PHYHD1: variants seen among roughly 807,000 people sequenced by gnomAD.
The protein encoded by PHYHD1 is phytanoyl-CoA dioxygenase domain-containing protein 1.
A neutral mutation model predicts 43.6 loss-of-function variants in PHYHD1; 42 were observed. The observed-to-expected ratio is 0.96, with a 90% CI of 0.75 to 1.25. The LOEUF is 1.25. Among genes scored for constraint, PHYHD1 ranks in the 50% most tolerant of loss-of-function variants. PHYHD1 has a pLI of 0.00. For synonymous variants in PHYHD1, 139 were observed against 143.6 expected (o/e 0.97, Z 0.23); for missense variants, 342 against 370.8 (o/e 0.92, Z 0.64).
chr9:128,928,864 C>T (rs1287132058), intron 4 of PHYHD1, among the ~76,000 whole-genome samples: 1 of 152,134 alleles, frequency 6.6e-6, no homozygotes, highest in Middle Eastern at 3.2e-3. Context: ...GTTTCATTTT[C>T]TTGGGTTACC....
At chr9:128,934,628 T>A (rs939642088) in intron 6 of PHYHD1, among the ~76,000 whole-genome samples, 1 of 151,530 alleles carries the variant, frequency 6.6e-6, no homozygotes, top group African/African-American at 2.4e-5. Context: ...ATTAGCTGAA[T>A]ATGGTTGCGC....
At chr9:128,937,980 T>G in intron 9 of PHYHD1, 1 of 1,442,176 alleles carries the variant, frequency 6.9e-7, no homozygotes, top group Non-Finnish European at 9.1e-7. Flanking sequence ...TAGTGGGTCC[T>G]GAGCCTGCCA....
Position 128,922,318 on chromosome 9 carries a change from G to T in PHYHD1, c.-6G>T. On this transcript the variant is annotated 5_prime_UTR_variant, in exon 3 of 13. Coordinates refer to ENST00000372592, the MANE Select transcript of PHYHD1 (RefSeq NM_001100876.2). ...TTAGAAGCCGCCCAGTGCCCTGAGC[G>T]TCTCCATGGCCTGCCTGAGCCCCTC... is the stretch of plus-strand genomic sequence containing the variant. 2 of 1,551,256 alleles carry T rather than the reference G, an allele frequency of 1.3e-6. No homozygotes were observed. The highest frequency in any genetic ancestry group is 1.7e-6 in the Non-Finnish European group (2 of 1,147,314).
chr9:128,940,877 G>A (rs1322267040), intron 11 of PHYHD1, among the ~76,000 whole-genome samples, 162 bp downstream of exon 11: 1 of 152,194 alleles, frequency 6.6e-6, no homozygotes, highest in East Asian at 1.9e-4. Context: ...TCAGGAAGCA[G>A]CATGTTTTCC....
chr9:128,940,230 G>A, intron 9 of PHYHD1, 139 bp from the exon 10 acceptor site: 1 of 1,345,090 alleles, frequency 7.4e-7, no homozygotes, highest in South Asian at 1.4e-5. Flanking sequence ...TCCTGGGCCA[G>A]GAAGTGATGA....
rs201545985 is a variant in PHYHD1 at position 128,940,402 on chromosome 9, C to G, written c.491C>G (p.Thr164Arg). 2.5e-6 allele frequency: 4 copies of G among 1,614,080 alleles called. No homozygotes were observed. Among genetic ancestry groups the G allele is most frequent in the East Asian group, 2.2e-5 (1 of 44,888 alleles). The change falls in exon 10 of 13, where the codon ACG becomes AGG. Residue 164 changes from threonine to arginine, a missense_variant. Thr to Arg is a moderately conservative substitution (Grantham distance 71, BLOSUM62 -1). Transcript: ENST00000372592. ...SPHQDASFLYTEPLGRVLGVW... is the reference protein window; with the variant it reads ...SPHQDASFLYREPLGRVLGVW... ...CATCAGGACGCCTCCTTCCTGTACA[C>G]GGAGCCCCTGGGCCGGGTGCTGGGC...
chr9:128,921,008 G>C lies in PHYHD1; in HGVS notation c.-820G>C, dbSNP rs1840986043. On this transcript the variant is annotated 5_prime_UTR_variant, in exon 1 of 13. Transcript: ENST00000372592. The stretch of plus-strand genomic sequence containing the variant: ...TTCAGAAGGCATCATTTTGGGGAAG[G>C]CAGCAGCCGGTTTTTCAGAGCCAGC... 1.3e-5 allele frequency: 2 copies of C among 152,406 alleles called. No individual in the cohort carries two copies. The highest frequency in any genetic ancestry group is 4.8e-5 in the African/African-American group (2 of 41,594). The allele number at this position is 152,406 out of a possible 1,614,324, so 9.4% of individuals were successfully genotyped here.
chr9:128,922,187 G>C (rs1445118409), intron 2 of PHYHD1, 96 bp from the exon 3 acceptor site: 43 of 988,926 alleles, frequency 4.3e-5, no homozygotes, highest in Middle Eastern at 4.8e-4. Context: ...ATCTGGCTGT[G>C]TCTAGGGAAG....
intron 9 of PHYHD1, 142 bp from the exon 10 acceptor site, chr9:128,940,227 C>T: frequency 3.8e-6 from 5 of 1,326,206 alleles, no homozygotes; most frequent in Non-Finnish European, 5.2e-6. Context: ...GAGTCCTGGG[C>T]CAGGAAGTGA....
chr9:128,922,059 T>G lies in PHYHD1; in HGVS notation c.-42+12T>G. The G allele has an allele frequency of 2.0e-6, 1 of 500,534 alleles. No homozygotes were observed. Among genetic ancestry groups the G allele is most frequent in the Non-Finnish European group, 3.6e-6 (1 of 280,918 alleles). 31.0% of individuals were successfully genotyped at this position (500,534 alleles called of 1,614,324 possible). A position where few individuals can be genotyped will look rare whatever the true frequency, so the allele number is the denominator to read the frequency against. Reference sequence around the variant, plus strand: ...TTTCCCGGCACCTGGTAAGCAGTGGTGGGGGGTGGTTTCCAGAAGAAACAC... The same window carrying G: ...TTTCCCGGCACCTGGTAAGCAGTGGGGGGGGGTGGTTTCCAGAAGAAACAC... On this transcript the variant is annotated intron_variant, in intron 2 of 12. Coordinates refer to ENST00000372592, the MANE Select transcript of PHYHD1 (RefSeq NM_001100876.2).
At chr9:128,941,142 G>T (rs1056247703) in intron 11 of PHYHD1, among the ~76,000 whole-genome samples, 2 of 152,174 alleles carry the variant, frequency 1.3e-5, no homozygotes, top group African/African-American at 4.8e-5. Context: ...GGTCCCAGTG[G>T]ACTGGCACAG....
chr9:128,924,334 T>A (rs1478381918), intron 3 of PHYHD1, among the ~76,000 whole-genome samples: 1 of 149,484 alleles, frequency 6.7e-6, no homozygotes, highest in Non-Finnish European at 1.5e-5. Context: ...AGGAGAATGG[T>A]GTGAACCCGG....
At chr9:128,935,600 AC>A (rs1293283283) in intron 6 of PHYHD1, among the ~76,000 whole-genome samples, 1 of 127,954 alleles carries the variant, frequency 7.8e-6, no homozygotes. Context: ...TATCATCATA[AC>A]CCTTTTAAAG....
Position 128,933,839 on chromosome 9 carries a change from G to C in PHYHD1, c.250G>C (p.Gly84Arg). 6.2e-7 allele frequency: 1 copy of C among 1,614,160 alleles called. No individual in the cohort carries two copies. The change falls in exon 5 of 13, where the codon GGC becomes CGC. Residue 84 changes from glycine to arginine, a missense_variant. Transcript: ENST00000372592. Reference protein sequence around the residue: ...GDKIRFFFEKGVFDEKGNFLV... With the variant: ...GDKIRFFFEKRVFDEKGNFLV... The stretch of plus-strand genomic sequence containing the variant: ...CAAGATTCGATTCTTCTTTGAGAAA[G>C]GCGTTTTTGATGAGAAAGGTTTGGA...
intron 4 of PHYHD1, among the ~76,000 whole-genome samples, chr9:128,931,667 G>C (rs1841279983): frequency 6.6e-6 from 1 of 152,000 alleles, no homozygotes; most frequent in South Asian, 2.1e-4. Flanking sequence ...TGAGACTACA[G>C]GCGCCCGCCA....
chr9:128,936,542 A>G (rs569508561), intron 7 of PHYHD1, 39 bp downstream of exon 7: 35 of 1,611,290 alleles, frequency 2.2e-5, no homozygotes, highest in Non-Finnish European at 2.8e-5. Flanking sequence ...AGGGTGGGCC[A>G]TGTGTGGCAG....
Position 128,941,965 on chromosome 9 carries a change from A to ACTCTC in PHYHD1, c.*263_*267dup, listed in dbSNP as rs1841576215. 1.8e-6 allele frequency: 1 copy of ACTCTC among 559,710 alleles called. No individual in the cohort carries two copies. 34.7% of individuals were successfully genotyped at this position (559,710 alleles called of 1,614,324 possible). ...CACCAAAGGGTTCTGGCCCCTTCTC[A>ACTCTC]CTCTCCTCTCCTCTCAGATGGAACT... On this transcript the variant is annotated 3_prime_UTR_variant, in exon 13 of 13. Transcript: ENST00000372592.
In PHYHD1 at chr9:128,940,386, G is replaced by T. The variant is rs746672381; in HGVS notation, c.475G>T (p.Ala159Ser). 2 of 1,614,172 alleles carry T rather than the reference G, an allele frequency of 1.2e-6. No homozygotes were observed. The highest frequency in any genetic ancestry group is 1.7e-6 in the Non-Finnish European group (2 of 1,180,036). ...CTGCTTAGTCTCCCCTCATCAGGACGCCTCCTTCCTGTACACGGAGCCCCT... is the reference window on the plus strand; with the variant it reads ...CTGCTTAGTCTCCCCTCATCAGGACTCCTCCTTCCTGTACACGGAGCCCCT... ...FGGEVSPHQD[A>S]SFLYTEPLGR... The change falls in exon 10 of 13, where the codon GCC (alanine) becomes TCC (serine). Residue 159 changes from alanine (A) to serine (S), a missense_variant. Physicochemically the swap from Ala to Ser is moderately conservative, Grantham distance 99 (BLOSUM62 1). Transcript: ENST00000372592.
intron 3 of PHYHD1, among the ~76,000 whole-genome samples, chr9:128,925,278 C>T (rs567605779): frequency 2.4e-4 from 36 of 150,330 alleles, no homozygotes; most frequent in African/African-American, 7.6e-4. Flanking sequence ...TAGGCTAGAG[C>T]GCAGTGGCGT....
Sources: gnomAD v4.1 joint callset for allele counts (sites outside exome capture counted in the v4.1 genomes callset) on GRCh38, gnomAD v4.1.1 for gene constraint, MANE v1.5 for transcripts, NCBI Gene and HGNC (gene_info 2026-07-23, HGNC 2026-07-21) for gene names.